Variants in TRPC7 observed in about 807,000 individuals in gnomAD.
The protein encoded by TRPC7 is transient receptor potential cation channel subfamily C member 7.
Under a neutral mutation model 90.1 loss-of-function variants are expected in TRPC7, and 42 were observed. That is an observed-to-expected ratio of 0.47 (90% confidence interval 0.36 to 0.60). The LOEUF (loss-of-function observed/expected upper bound fraction) is 0.60. Ranked by LOEUF, TRPC7 falls within the 20% of genes least tolerant of loss-of-function variation. TRPC7 has a pLI of 0.00. For synonymous variants in TRPC7, 451 were observed against 436.3 expected (o/e 1.03, Z -0.42); for missense variants, 955 against 1,112.3 (o/e 0.86, Z 2.01).
Position 136,356,923 on chromosome 5 carries a change from G to A in TRPC7, c.465C>T (p.Asp155=), listed in dbSNP as rs778432814. 4 of 1,613,662 alleles carry A rather than the reference G, an allele frequency of 2.5e-6. No homozygotes were observed. The highest frequency in any genetic ancestry group is 1.1e-5 in the South Asian group (1 of 91,072). Residue 155 remains aspartate, a synonymous_variant, in exon 2 of 12, where the codon GAC becomes GAT. Transcript: ENST00000513104. ...CGTGGGAGAAGCGCGTGCCGTCCTCGTCGTAGGCATAGAAGTCGTCGTCGC... is the reference window on the plus strand; with the variant it reads ...CGTGGGAGAAGCGCGTGCCGTCCTCATCGTAGGCATAGAAGTCGTCGTCGC... ...ELRDDDFYAY[D]EDGTRFSHDI...
At chr5:136,224,232 G>A (rs780313744) in intron 10 of TRPC7, among the ~76,000 whole-genome samples, 1 of 152,194 alleles carries the variant, frequency 6.6e-6, no homozygotes, top group Non-Finnish European at 1.5e-5. Flanking sequence ...ATCGAGAAGT[G>A]GAAGACAGGA....
chr5:136,361,245 T>C (rs1760559763), intron 1 of TRPC7, among the ~76,000 whole-genome samples: 2 of 152,202 alleles, frequency 1.3e-5, no homozygotes, highest in South Asian at 4.1e-4. Context: ...TACATTTTTA[T>C]TTGCACATAT....
At chr5:136,349,930 C>A (rs145240127) in intron 2 of TRPC7, among the ~76,000 whole-genome samples, 3 of 152,248 alleles carry the variant, frequency 2.0e-5, no homozygotes, top group South Asian at 4.2e-4. Flanking sequence ...TTTTACTGTG[C>A]CTTTCCTATT....
chr5:136,273,235 G>C (rs905566429), intron 4 of TRPC7, among the ~76,000 whole-genome samples: 9 of 152,188 alleles, frequency 5.9e-5, no homozygotes, highest in Admixed American at 1.3e-4. Flanking sequence ...AGTACAGACT[G>C]TGCCTAAAAC....
chr5:136,232,637 C>T (rs1352259228), intron 7 of TRPC7, among the ~76,000 whole-genome samples: 4 of 152,150 alleles, frequency 2.6e-5, no homozygotes, highest in Non-Finnish European at 4.4e-5. Context: ...TTTGAGACTA[C>T]GAAGTAACTG....
At chr5:136,313,066 C>G (rs750765091) in intron 3 of TRPC7, among the ~76,000 whole-genome samples, 21 of 145,360 alleles carry the variant, frequency 1.4e-4, no homozygotes, top group Non-Finnish European at 2.4e-4. Context: ...ATCCTCCTGT[C>G]TCAGCTTCTC....
chr5:136,344,249 C>T (rs562714210), intron 2 of TRPC7, among the ~76,000 whole-genome samples: 3 of 152,100 alleles, frequency 2.0e-5, no homozygotes, highest in African/African-American at 7.2e-5. Flanking sequence ...AAGAAGGGAA[C>T]AACAGACGCT....
rs145732631 is a variant in TRPC7 at position 136,317,193 on chromosome 5, G to A, written c.781-1414C>T. ...GGAAAAATGACCTCTCGGCTCAGGCGTGTAAGAAACTTTTGGGGTTCTAGG... is the reference window on the plus strand; with the variant it reads ...GGAAAAATGACCTCTCGGCTCAGGCATGTAAGAAACTTTTGGGGTTCTAGG... On this transcript the variant is annotated intron_variant, in intron 2 of 11. Transcript: ENST00000513104. Among the ~76,000 whole-genome samples the A allele has an allele frequency of 4.9e-3, 745 of 152,228 alleles. 5 individuals are homozygous for A. Among genetic ancestry groups the A allele is most frequent in the Non-Finnish European group, 6.9e-3 (472 of 68,014 alleles).
chr5:136,345,385 G>A (rs1321570515), intron 2 of TRPC7, among the ~76,000 whole-genome samples: 5 of 151,894 alleles, frequency 3.3e-5, no homozygotes, highest in Non-Finnish European at 5.9e-5. Flanking sequence ...GCGAAACCCC[G>A]TCTCTACTAA....
At chr5:136,265,638 A>C (rs1424817649) in intron 5 of TRPC7, among the ~76,000 whole-genome samples, 1 of 152,200 alleles carries the variant, frequency 6.6e-6, no homozygotes, top group Non-Finnish European at 1.5e-5. Context: ...TCAATGAGGA[A>C]ATTGGGAACA....
At chr5:136,300,406 A>G (rs1436674589) in intron 3 of TRPC7, among the ~76,000 whole-genome samples, 1 of 152,206 alleles carries the variant, frequency 6.6e-6, no homozygotes. Context: ...AGCTCCCCAC[A>G]GGAGGCAAAG....
At chr5:136,253,384 G>GT (rs1332160354) in intron 5 of TRPC7, among the ~76,000 whole-genome samples, 1 of 151,910 alleles carries the variant, frequency 6.6e-6, no homozygotes, top group Admixed American at 6.6e-5. Flanking sequence ...CAGAGACTGT[G>GT]TTTTTTTCAA....
intron 5 of TRPC7, among the ~76,000 whole-genome samples, chr5:136,263,334 G>C (rs1279243964): frequency 1.3e-5 from 2 of 152,204 alleles, no homozygotes; most frequent in Non-Finnish European, 2.9e-5. Context: ...TGGCATAACA[G>C]CCTGTCAGAA....
chr5:136,260,100 A>G (rs1756808043), intron 5 of TRPC7, among the ~76,000 whole-genome samples: 1 of 152,204 alleles, frequency 6.6e-6, no homozygotes, highest in African/African-American at 2.4e-5. Flanking sequence ...TACATGCCCC[A>G]TAGGATGAGG....
At chr5:136,362,774 G>A (rs1434786541) in intron 1 of TRPC7, among the ~76,000 whole-genome samples, 2 of 151,860 alleles carry the variant, frequency 1.3e-5, no homozygotes, top group Non-Finnish European at 2.9e-5. Flanking sequence ...TTTGTTTTTT[G>A]TTTTTCTGAG....
intron 4 of TRPC7, among the ~76,000 whole-genome samples, chr5:136,270,121 A>G (rs1257176069): frequency 1.3e-5 from 2 of 152,178 alleles, no homozygotes; most frequent in African/African-American, 4.8e-5. Context: ...TAAGATGTTT[A>G]TGTTAGGCGT....
chr5:136,235,833 C>T (rs1755962481), intron 7 of TRPC7, among the ~76,000 whole-genome samples: 1 of 152,124 alleles, frequency 6.6e-6, no homozygotes, highest in Non-Finnish European at 1.5e-5. Context: ...ATAAAGTTTG[C>T]CACAGATTCC....
At chr5:136,317,348 T>C (rs757873181) in intron 2 of TRPC7, among the ~76,000 whole-genome samples, 5 of 152,182 alleles carry the variant, frequency 3.3e-5, no homozygotes, top group African/African-American at 1.2e-4. Flanking sequence ...GAACCTACTA[T>C]GTAGCGGACA....
At chr5:136,298,574 C>T (rs1359792124) in intron 3 of TRPC7, among the ~76,000 whole-genome samples, 1 of 152,220 alleles carries the variant, frequency 6.6e-6, no homozygotes, top group Admixed American at 6.5e-5. Context: ...GGAAACCACT[C>T]TGCCCAGAAA....
Sources: gnomAD v4.1 joint callset for allele counts (sites outside exome capture counted in the v4.1 genomes callset) on GRCh38, gnomAD v4.1.1 for gene constraint, MANE v1.5 for transcripts, NCBI Gene and HGNC (gene_info 2026-07-23, HGNC 2026-07-21) for gene names.